BCAR3: variants seen among roughly 807,000 people sequenced by gnomAD.
The protein encoded by BCAR3 is BCAR3 adaptor protein, NSP family member, also known as breast cancer anti-estrogen resistance protein 3.
Under a neutral mutation model 80.1 loss-of-function variants are expected in BCAR3, and 37 were observed. The ratio of observed to expected loss-of-function variants is 0.46; its 90% CI spans 0.36 to 0.61. The LOEUF (loss-of-function observed/expected upper bound fraction) is 0.61. Among genes scored for constraint, BCAR3 ranks in the 20% least tolerant of loss-of-function variants. BCAR3 has a pLI of 0.00. For synonymous variants in BCAR3, 389 were observed against 418.9 expected, an observed-to-expected ratio of 0.93 and a Z score of 0.87; for missense variants, 978 against 1,068.2, an observed-to-expected ratio of 0.92 and a Z score of 1.18.
At chr1:93,749,557 C>T (rs1651473239) in intron 2 of BCAR3, among the ~76,000 whole-genome samples, 1 of 149,628 alleles carries the variant, frequency 6.7e-6, no homozygotes, top group Non-Finnish European at 1.5e-5. Context: ...CCACTGCACA[C>T]CAGCCTGGGT....
chr1:93,665,324 TA>T (rs1048239123), intron 2 of BCAR3, among the ~76,000 whole-genome samples: 2 of 151,936 alleles, frequency 1.3e-5, no homozygotes, highest in Non-Finnish European at 2.9e-5. Context: ...CTGCCTTATT[TA>T]AAAAAATCAA....
chr1:93,841,416 C>T (rs907520344), intron 2 of BCAR3, among the ~76,000 whole-genome samples: 2 of 152,198 alleles, frequency 1.3e-5, no homozygotes, highest in Non-Finnish European at 2.9e-5. Flanking sequence ...CAAGCCTGAC[C>T]AGCCTTGAAG....
chr1:93,826,699 G>A (rs1654385073), intron 2 of BCAR3, among the ~76,000 whole-genome samples: 1 of 152,154 alleles, frequency 6.6e-6, no homozygotes, highest in South Asian at 2.1e-4. Flanking sequence ...AACAGGAATT[G>A]GGGGCAGAAC....
chr1:93,620,318 T>C (rs1198972006), intron 3 of BCAR3, among the ~76,000 whole-genome samples: 1 of 152,258 alleles, frequency 6.6e-6, no homozygotes, highest in African/African-American at 2.4e-5. Flanking sequence ...ATACCACATA[T>C]GGTTTTAATC....
intron 3 of BCAR3, among the ~76,000 whole-genome samples, chr1:93,629,883 C>T (rs1253312263): frequency 2.0e-5 from 3 of 152,134 alleles, no homozygotes; most frequent in Non-Finnish European, 4.4e-5. Flanking sequence ...TTATCCTGTA[C>T]CAGGTGGGCA....
intron 2 of BCAR3, among the ~76,000 whole-genome samples, chr1:93,724,093 AG>A (rs1374439060): frequency 6.6e-6 from 1 of 152,184 alleles, no homozygotes; most frequent in African/African-American, 2.4e-5. Flanking sequence ...GTGATTAAGT[AG>A]GGCTGAGCAC....
At chr1:93,623,921 T>G (rs1675385363) in intron 3 of BCAR3, among the ~76,000 whole-genome samples, 1 of 152,242 alleles carries the variant, frequency 6.6e-6, no homozygotes, top group South Asian at 2.1e-4. Flanking sequence ...ATAATAGGGT[T>G]GTACACTCAT....
chr1:93,703,760 C>A (rs529597827), intron 3 of BCAR3, among the ~76,000 whole-genome samples: 2 of 152,150 alleles, frequency 1.3e-5, no homozygotes, highest in African/African-American at 4.8e-5. Context: ...GGAGATACAG[C>A]GGTGAGCAAG....
At chr1:93,574,594 C>T (rs1173594176) in intron 8 of BCAR3, among the ~76,000 whole-genome samples, 2 of 152,214 alleles carry the variant, frequency 1.3e-5, no homozygotes, top group Admixed American at 1.3e-4. Context: ...CTGAATGATA[C>T]TAAGAAAATA....
chr1:93,582,044 C>G (rs1465298757), intron 7 of BCAR3, among the ~76,000 whole-genome samples: 1 of 152,218 alleles, frequency 6.6e-6, no homozygotes, highest in Non-Finnish European at 1.5e-5. Context: ...CCTGCCATCC[C>G]TCTGTCTGAG....
intron 3 of BCAR3, chr1:93,600,721 C>CT (rs958809833): frequency 1.3e-5 from 2 of 152,240 alleles, no homozygotes; most frequent in African/African-American, 4.8e-5. Context: ...GCCTCCATGC[C>CT]TTTGTCTTGT....
At chr1:93,787,277 ATGG>A (rs1652981774) in intron 2 of BCAR3, among the ~76,000 whole-genome samples, 1 of 152,174 alleles carries the variant, frequency 6.6e-6, no homozygotes, top group South Asian at 2.1e-4. Flanking sequence ...TCTGAGACAG[ATGG>A]TGGGTGAAAA....
At chr1:93,797,035 G>T (rs1400421748) in intron 2 of BCAR3, among the ~76,000 whole-genome samples, 1 of 152,198 alleles carries the variant, frequency 6.6e-6, no homozygotes, top group African/African-American at 2.4e-5. Context: ...TTTCCAGGAA[G>T]AAGAGGGCCC....
chr1:93,689,040 T>C (rs1371084135), intron 3 of BCAR3, among the ~76,000 whole-genome samples: 1 of 152,196 alleles, frequency 6.6e-6, no homozygotes, highest in Non-Finnish European at 1.5e-5. Flanking sequence ...GCATCTACCA[T>C]ATGGAAAGCA....
intron 2 of BCAR3, among the ~76,000 whole-genome samples, chr1:93,812,228 C>G (rs768262046): frequency 6.6e-6 from 1 of 152,106 alleles, no homozygotes; most frequent in African/African-American, 2.4e-5. Context: ...AGCTAGAATG[C>G]TTAAACTCCC....
At chr1:93,578,107 T>G (rs576852035) in intron 7 of BCAR3, among the ~76,000 whole-genome samples, 5 of 152,208 alleles carry the variant, frequency 3.3e-5, no homozygotes, top group African/African-American at 9.6e-5. Context: ...GAGGCTTCCT[T>G]CTGCCCTCCA....
intron 2 of BCAR3, among the ~76,000 whole-genome samples, chr1:93,799,861 A>G (rs1206308871): frequency 6.6e-6 from 1 of 152,338 alleles, no homozygotes; most frequent in East Asian, 1.9e-4. Context: ...ATTGACTGTC[A>G]GGACCTACTG....
chr1:93,753,672 T>G (rs2100713323), intron 2 of BCAR3: 1 of 151,266 alleles, frequency 6.6e-6, no homozygotes, highest in East Asian at 2.0e-4. Flanking sequence ...CCCAGAAGTG[T>G]CATTTCTGAC....
At chr1:93,731,954 T>G (rs1252628168) in intron 2 of BCAR3, among the ~76,000 whole-genome samples, 1 of 152,106 alleles carries the variant, frequency 6.6e-6, no homozygotes, top group Non-Finnish European at 1.5e-5. Flanking sequence ...AGAGGCCCCG[T>G]GGGTGAGGCT....
Sources: gnomAD v4.1 joint callset for allele counts (sites outside exome capture counted in the v4.1 genomes callset) on GRCh38, gnomAD v4.1.1 for gene constraint, MANE v1.5 for transcripts, NCBI Gene and HGNC (gene_info 2026-07-23, HGNC 2026-07-21) for gene names.